Variants in SLC44A5 observed in about 807,000 individuals in gnomAD.
SLC44A5 encodes solute carrier family 44 member 5, also known as choline transporter-like protein 5.
SLC44A5 carries 57 observed loss-of-function variants against 101.8 expected under a neutral mutation model. That is an observed-to-expected ratio of 0.56 (90% CI 0.45 to 0.70). The LOEUF is 0.70. Ranked by LOEUF, SLC44A5 falls within the 30% of genes least tolerant of loss-of-function variation. SLC44A5 has a pLI of 0.00. For synonymous variants in SLC44A5, 281 were observed against 290.9 expected (o/e 0.97, Z 0.35); for missense variants, 737 against 853.1 (o/e 0.86, Z 1.70).
intron 6 of SLC44A5, among the ~76,000 whole-genome samples, chr1:75,254,483 T>G (rs1019554996): frequency 1.3e-5 from 2 of 152,114 alleles, no homozygotes; most frequent in African/African-American, 4.8e-5. Context: ...AAACTACTAG[T>G]TCCAGGTGAT....
intron 23 of SLC44A5, among the ~76,000 whole-genome samples, chr1:75,208,064 A>T (rs1025830231): frequency 1.4e-4 from 21 of 152,172 alleles, no homozygotes; most frequent in African/African-American, 4.6e-4. Context: ...AAGCTGTAAA[A>T]TGCTTCCTTT....
chr1:75,717,822 T>C, the SLC44A5 span, among the ~76,000 whole-genome samples: 8 of 152,168 alleles, frequency 5.3e-5, no homozygotes, highest in Non-Finnish European at 1.0e-4. Flanking sequence ...AGGGAGCCCC[T>C]GCTGGTCCCT....
chr1:75,517,390 G>A (rs994443149), intron 2 of SLC44A5, among the ~76,000 whole-genome samples: 1 of 151,294 alleles, frequency 6.6e-6, no homozygotes, highest in African/African-American at 2.4e-5. Flanking sequence ...CTATACCACT[G>A]AATTTAAAAA....
intron 2 of SLC44A5, among the ~76,000 whole-genome samples, chr1:75,465,966 C>T (rs1270914611): frequency 6.6e-6 from 1 of 152,112 alleles, no homozygotes; most frequent in African/African-American, 2.4e-5. Context: ...AAGCTAATAT[C>T]GATTTTCCTC....
chr1:75,203,721 G>T lies in SLC44A5; in HGVS notation c.*6C>A. 2 of 1,547,256 alleles carry T rather than the reference G, an allele frequency of 1.3e-6. No homozygotes were observed. Among genetic ancestry groups the T allele is most frequent in the Non-Finnish European group, 8.7e-7 (1 of 1,144,974 alleles). ...CACACAGCTGTAGGACGACCAGTTT[G>T]CTCTTCTACTGCTTCCTAGTTTGTG... On this transcript the variant is annotated 3_prime_UTR_variant, in exon 24 of 24. Transcript: ENST00000370859.
chr1:75,531,984 T>C (rs1031720079), intron 2 of SLC44A5, among the ~76,000 whole-genome samples: 7 of 152,134 alleles, frequency 4.6e-5, no homozygotes, highest in Non-Finnish European at 1.0e-4. Flanking sequence ...ATTCCCAAAG[T>C]GTGTTGCCCA....
the SLC44A5 span, among the ~76,000 whole-genome samples, chr1:75,666,759 C>G: frequency 6.6e-6 from 1 of 152,150 alleles, no homozygotes; most frequent in African/African-American, 2.4e-5. Context: ...AGCTTCATAC[C>G]TGGCATGCAA....
rs1668530895 is a variant in SLC44A5, at chr1:75,493,618, G to A, written c.13+47817C>T. Among the ~76,000 whole-genome samples the A allele has an allele frequency of 2.0e-5, 3 of 151,788 alleles. No individual in the cohort carries two copies. The South Asian group carries it at 6.2e-4, about 32-fold the overall frequency. Reference sequence around the variant, plus strand: ...AATAATATCTTCAAAATCCTGAGGGGAAAAAAATAGCTTTTAATAAAAAAA... The same window carrying A: ...AATAATATCTTCAAAATCCTGAGGGAAAAAAAATAGCTTTTAATAAAAAAA... On this transcript the variant is annotated intron_variant, in intron 2 of 23. Coordinates refer to ENST00000370859, the MANE Select transcript of SLC44A5 (RefSeq NM_001130058.2).
intron 1 of SLC44A5, among the ~76,000 whole-genome samples, chr1:75,584,333 C>T (rs189553985): frequency 2.0e-5 from 3 of 152,322 alleles, no homozygotes; most frequent in Admixed American, 6.5e-5. Flanking sequence ...CTGTTTCAGT[C>T]ACTGCACTGG....
intron 2 of SLC44A5, among the ~76,000 whole-genome samples, chr1:75,411,033 C>G (rs904750152): frequency 1.3e-5 from 2 of 152,024 alleles, no homozygotes; most frequent in African/African-American, 4.8e-5. Flanking sequence ...ACGTGATGAT[C>G]AAAGTATAGT....
chr1:75,615,369 T>C (rs1675824249), upstream of SLC44A5, among the ~76,000 whole-genome samples: 2 of 145,366 alleles, frequency 1.4e-5, no homozygotes, highest in African/African-American at 2.6e-5. Flanking sequence ...GGAGGGGGGA[T>C]TGGAAGAAAA....
chr1:75,650,443 T>C, the SLC44A5 span, among the ~76,000 whole-genome samples: 24 of 152,328 alleles, frequency 1.6e-4, no homozygotes, highest in African/African-American at 5.5e-4. Context: ...TCCAGAAGGA[T>C]ATTTTAATAT....
intron 4 of SLC44A5, among the ~76,000 whole-genome samples, chr1:75,330,329 C>A (rs546499657): frequency 6.6e-6 from 1 of 152,090 alleles, no homozygotes; most frequent in East Asian, 1.9e-4. Flanking sequence ...ACCACTGCCA[C>A]CCCACCATCA....
intron 23 of SLC44A5, 37 bp downstream of exon 23, chr1:75,211,431 C>T (rs1646850367): frequency 1.3e-6 from 2 of 1,517,932 alleles, no homozygotes; most frequent in Admixed American, 1.7e-5. Context: ...TTTCAGTTAT[C>T]CACCGAAGGG....
upstream of SLC44A5, among the ~76,000 whole-genome samples, chr1:75,615,056 C>T (rs1008407046): frequency 2.0e-5 from 3 of 152,138 alleles, no homozygotes; most frequent in Non-Finnish European, 4.4e-5. Flanking sequence ...CCCCGGACCA[C>T]GCCGCAATGC....
chr1:75,356,784 C>T (rs1485669911), intron 3 of SLC44A5, among the ~76,000 whole-genome samples: 1 of 152,156 alleles, frequency 6.6e-6, no homozygotes, highest in African/African-American at 2.4e-5. Flanking sequence ...ATCTTTTATA[C>T]TGCAGTTTTA....
At chr1:75,526,931 C>T (rs983775186) in intron 2 of SLC44A5, among the ~76,000 whole-genome samples, 1 of 151,896 alleles carries the variant, frequency 6.6e-6, no homozygotes, top group Non-Finnish European at 1.5e-5. Context: ...GTCAGGAGTT[C>T]GAGACCAGCC....
At chr1:75,468,957 A>G (rs1184811349) in intron 2 of SLC44A5, among the ~76,000 whole-genome samples, 3 of 152,214 alleles carry the variant, frequency 2.0e-5, no homozygotes, top group African/African-American at 7.2e-5. Flanking sequence ...TACACCTGCT[A>G]TGTACCCACA....
intron 2 of SLC44A5, among the ~76,000 whole-genome samples, chr1:75,449,997 C>T (rs1455272178): frequency 1.3e-5 from 2 of 151,408 alleles, no homozygotes; most frequent in Non-Finnish European, 1.5e-5. Flanking sequence ...AAGACTCTAT[C>T]TCAAAAAAAA....
Sources: gnomAD v4.1 joint callset for allele counts (sites outside exome capture counted in the v4.1 genomes callset) on GRCh38, gnomAD v4.1.1 for gene constraint, MANE v1.5 for transcripts, NCBI Gene and HGNC (gene_info 2026-07-23, HGNC 2026-07-21) for gene names.